SHISA9: variants seen among roughly 807,000 people sequenced by gnomAD.
SHISA9 encodes protein shisa-9.
Under a neutral mutation model 38.0 loss-of-function variants are expected in SHISA9, and 13 were observed. That is an observed-to-expected ratio of 0.34 (90% confidence interval 0.22 to 0.54). SHISA9 has a LOEUF of 0.54. Among genes scored for constraint, SHISA9 ranks in the 20% least tolerant of loss-of-function variants. The probability of loss-of-function intolerance (pLI) is 0.91; values close to 1 mark genes in which losing one functional copy is unlikely to be tolerated. For synonymous variants in SHISA9, 275 were observed against 242.0 expected (o/e 1.14, Z -1.27); for missense variants, 538 against 575.8 (o/e 0.93, Z 0.67).
rs187646213 is a variant in SHISA9 at position 13,209,575 on chromosome 16, T to G, written c.848-3678T>G. On this transcript the variant is annotated intron_variant, in intron 3 of 4. Coordinates refer to ENST00000558583, the MANE Select transcript of SHISA9 (RefSeq NM_001145204.3). The stretch of plus-strand genomic sequence containing the variant: ...ATACAATCCATCAGGGAACTATTCT[T>G]TTTCACTCAATTGACTCTCCTTACT... Among the ~76,000 whole-genome samples, 198 of 152,356 alleles carry G rather than the reference T, an allele frequency of 1.3e-3. 1 individual carries two copies. The highest frequency in any genetic ancestry group is 4.6e-3 in the African/African-American group (192 of 41,584).
At chr16:13,484,270 G>A in the SHISA9 span, among the ~76,000 whole-genome samples, 1 of 152,186 alleles carries the variant, frequency 6.6e-6, no homozygotes, top group African/African-American at 2.4e-5. Flanking sequence ...TCCGAAACAA[G>A]TGTGATAAAA....
chr16:13,507,683 G>C, the SHISA9 span, among the ~76,000 whole-genome samples: 1 of 152,308 alleles, frequency 6.6e-6, no homozygotes, highest in East Asian at 1.9e-4. Flanking sequence ...GCAACAGGAA[G>C]TCAAACACAG....
chr16:13,127,596 G>A (rs1182097059), intron 2 of SHISA9, among the ~76,000 whole-genome samples: 3 of 152,140 alleles, frequency 2.0e-5, no homozygotes, highest in Non-Finnish European at 4.4e-5. Context: ...AGAGCAGCTT[G>A]ACAGGTCAGC....
chr16:13,063,808 G>A (rs960064371), intron 2 of SHISA9, among the ~76,000 whole-genome samples: 3 of 152,118 alleles, frequency 2.0e-5, no homozygotes, highest in African/African-American at 7.2e-5. Flanking sequence ...GACCCTATGC[G>A]GCCCTCAGCC....
At chr16:13,275,118 C>T in the SHISA9 span, among the ~76,000 whole-genome samples, 3 of 152,232 alleles carry the variant, frequency 2.0e-5, no homozygotes, top group Admixed American at 1.3e-4. Flanking sequence ...TAATAAAGAC[C>T]TCACAGGGCT....
chr16:13,286,988 AT>A, the SHISA9 span, among the ~76,000 whole-genome samples: 28 of 152,120 alleles, frequency 1.8e-4, no homozygotes, highest in South Asian at 1.0e-3. Context: ...ATTTTTGTTA[AT>A]TTTTTTTAAC....
intron 2 of SHISA9, among the ~76,000 whole-genome samples, chr16:13,075,924 C>T (rs1453271329): frequency 6.6e-6 from 1 of 152,076 alleles, no homozygotes; most frequent in African/African-American, 2.4e-5. Flanking sequence ...GGCTTCTACC[C>T]ATCAGATGCC....
intron 2 of SHISA9, among the ~76,000 whole-genome samples, chr16:13,093,573 A>G (rs1284343818): frequency 1.3e-5 from 2 of 152,102 alleles, no homozygotes; most frequent in Non-Finnish European, 2.9e-5. Context: ...AGTGGGGCTG[A>G]TTATAAATCA....
chr16:13,285,431 T>G, the SHISA9 span, among the ~76,000 whole-genome samples: 1 of 151,440 alleles, frequency 6.6e-6, no homozygotes, highest in African/African-American at 2.4e-5. Flanking sequence ...TGAATGCAGA[T>G]TTAGATTATA....
intron 2 of SHISA9, among the ~76,000 whole-genome samples, chr16:13,148,682 TACAC>T (rs2050469994): frequency 1.0e-5 from 1 of 96,474 alleles, no homozygotes; most frequent in Non-Finnish European, 2.0e-5. Context: ...CTCTCACACA[TACAC>T]AAGCACACAC....
the SHISA9 span, among the ~76,000 whole-genome samples, chr16:13,559,547 T>TTA: frequency 2.7e-3 from 411 of 152,030 alleles, 2 homozygotes; most frequent in African/African-American, 9.1e-3. Context: ...CTGGCTAATT[T>TTA]TATATATATA....
chr16:13,095,080 T>C (rs1364047831), intron 2 of SHISA9, among the ~76,000 whole-genome samples: 1 of 152,212 alleles, frequency 6.6e-6, no homozygotes, highest in Non-Finnish European at 1.5e-5. Flanking sequence ...GTCTGTCAAA[T>C]GGTTTACAGG....
the SHISA9 span, among the ~76,000 whole-genome samples, chr16:13,407,739 T>C: frequency 6.6e-6 from 1 of 152,304 alleles, no homozygotes; most frequent in African/African-American, 2.4e-5. Context: ...ATTTCTGAAC[T>C]AGAGATTTAA....
the SHISA9 span, among the ~76,000 whole-genome samples, chr16:13,475,297 C>T: frequency 6.3e-5 from 9 of 143,202 alleles, no homozygotes; most frequent in Admixed American, 2.1e-4. Flanking sequence ...ATCCCCATGT[C>T]AAAAATGAGG....
chr16:13,316,049 G>C, the SHISA9 span, among the ~76,000 whole-genome samples: 3 of 151,924 alleles, frequency 2.0e-5, no homozygotes, highest in African/African-American at 4.8e-5. Flanking sequence ...CAGATGCCCA[G>C]TGTTGTACCC....
the SHISA9 span, among the ~76,000 whole-genome samples, chr16:13,525,532 T>G: frequency 6.6e-6 from 1 of 152,170 alleles, no homozygotes; most frequent in Non-Finnish European, 1.5e-5. Context: ...CTCAAAGAAA[T>G]AATGAAATAA....
At chr16:13,206,144 G>A (rs558574066) in intron 3 of SHISA9, among the ~76,000 whole-genome samples, 7 of 152,170 alleles carry the variant, frequency 4.6e-5, no homozygotes, top group Middle Eastern at 3.4e-3. Flanking sequence ...CAGAAGCTCC[G>A]AAGCATTAGA....
chr16:13,212,603 G>A (rs537615882), intron 3 of SHISA9, among the ~76,000 whole-genome samples: 3 of 152,112 alleles, frequency 2.0e-5, no homozygotes, highest in South Asian at 2.1e-4. Context: ...GCTTGATCTC[G>A]TTACCGTTTA....
At chr16:13,532,552 T>C in the SHISA9 span, among the ~76,000 whole-genome samples, 1 of 74,416 alleles carries the variant, frequency 1.3e-5, no homozygotes, top group African/African-American at 6.0e-5. Context: ...TATGTGCGTG[T>C]GTGTATGTGT....
Sources: gnomAD v4.1 joint callset for allele counts (sites outside exome capture counted in the v4.1 genomes callset) on GRCh38, gnomAD v4.1.1 for gene constraint, MANE v1.5 for transcripts, NCBI Gene and HGNC (gene_info 2026-07-23, HGNC 2026-07-21) for gene names.